The following HERC3 variants were observed in gnomAD, a reference collection of about 807,000 sequenced individuals.
HERC3 encodes the protein HECT and RLD domain containing E3 ubiquitin protein ligase 3, also known as probable E3 ubiquitin-protein ligase HERC3.
A neutral mutation model predicts 129.9 loss-of-function variants in HERC3; 58 were observed. The ratio of observed to expected loss-of-function variants is 0.45; its 90% confidence interval spans 0.36 to 0.56. The LOEUF is 0.56. Among genes scored for constraint, HERC3 ranks in the 20% least tolerant of loss-of-function variants. The pLI is 0.00. For missense variants in HERC3, 835 were observed against 1,244.2 expected (o/e 0.67, Z 4.95); for synonymous variants, 430 against 451.0 (o/e 0.95, Z 0.59).
chr4:88,697,976 C>G (rs1257350300), intron 23 of HERC3: 3 of 637,392 alleles, frequency 4.7e-6, no homozygotes, highest in Admixed American at 6.6e-5. Context: ...CTGTTGCTAC[C>G]CTGACATCTT....
chr4:88,664,247 G>C, intron 12 of HERC3, 35 bp downstream of exon 12: 1 of 1,533,852 alleles, frequency 6.5e-7, no homozygotes. Flanking sequence ...ACCCTCACGT[G>C]TACCTGTAGT....
chr4:88,666,538 T>TA (rs985366234), intron 12 of HERC3, among the ~76,000 whole-genome samples: 3 of 152,174 alleles, frequency 2.0e-5, no homozygotes, highest in South Asian at 2.1e-4. Flanking sequence ...TTATGATTTT[T>TA]AAAAAATGTT....
the HERC3 span, among the ~76,000 whole-genome samples, chr4:88,560,938 G>A: frequency 2.0e-5 from 3 of 151,988 alleles, no homozygotes; most frequent in East Asian, 1.9e-4. Context: ...TGACTCATTC[G>A]TCTATGTGTC....
chr4:88,546,657 G>A, the HERC3 span, among the ~76,000 whole-genome samples: 3 of 152,138 alleles, frequency 2.0e-5, no homozygotes, highest in East Asian at 1.9e-4. Context: ...GACTACAGGC[G>A]TGCGCCACCA....
chr4:88,685,214 T>A (rs1733287675), intron 21 of HERC3, among the ~76,000 whole-genome samples: 1 of 152,164 alleles, frequency 6.6e-6, no homozygotes, highest in Non-Finnish European at 1.5e-5. Context: ...GAACCAGAAA[T>A]ACCATTTGAC....
chr4:88,545,609 A>G, the HERC3 span, among the ~76,000 whole-genome samples: 4 of 151,610 alleles, frequency 2.6e-5, no homozygotes, highest in Non-Finnish European at 5.9e-5. Context: ...TTTCTTTTTT[A>G]GAGACAGGAT....
At chr4:88,627,703 G>T (rs1024858191) in intron 3 of HERC3, among the ~76,000 whole-genome samples, 1 of 152,068 alleles carries the variant, frequency 6.6e-6, no homozygotes, top group Admixed American at 6.6e-5. Flanking sequence ...AGGAGTTTGA[G>T]ACCAGCCTGG....
intron 3 of HERC3, among the ~76,000 whole-genome samples, chr4:88,620,311 A>G (rs1725372800): frequency 6.6e-6 from 1 of 152,206 alleles, no homozygotes; most frequent in Admixed American, 6.5e-5. Context: ...CTCCACTTGG[A>G]TATGTAATTG....
intron 3 of HERC3, among the ~76,000 whole-genome samples, chr4:88,618,420 G>T (rs571398913): frequency 6.6e-6 from 1 of 152,206 alleles, no homozygotes; most frequent in South Asian, 2.1e-4. Context: ...GATCACAGAG[G>T]GTATAATTCA....
chr4:88,546,772 T>C, the HERC3 span, among the ~76,000 whole-genome samples: 1 of 152,248 alleles, frequency 6.6e-6, no homozygotes, highest in African/African-American at 2.4e-5. Flanking sequence ...TTGTGCACTA[T>C]ACAAATTGAA....
intron 3 of HERC3, among the ~76,000 whole-genome samples, chr4:88,626,093 G>A (rs1463696120): frequency 6.6e-6 from 1 of 152,136 alleles, no homozygotes; most frequent in African/African-American, 2.4e-5. Context: ...TTCTTGTAGT[G>A]TCTTTGGTTT....
In HERC3 at chr4:88,647,298, G is replaced by C. The variant is rs181528114; in HGVS notation, c.227-2542G>C. Reference sequence around the variant, plus strand: ...GTCAGGATAGTGGGGAAAATTATTAGTGTTGTGTTAGGCCATATACTAACA... The same window carrying C: ...GTCAGGATAGTGGGGAAAATTATTACTGTTGTGTTAGGCCATATACTAACA... On this transcript the variant is annotated intron_variant, in intron 3 of 25. Coordinates refer to ENST00000402738, the MANE Select transcript of HERC3 (RefSeq NM_014606.3). 5.3e-5 allele frequency among the ~76,000 whole-genome samples: 8 copies of C among 152,320 alleles called. No individual in the cohort carries two copies. In the East Asian group the frequency reaches 1.5e-3, roughly 29 times the overall value.
At chr4:88,652,719 C>A in intron 5 of HERC3, 150 bp from the exon 6 acceptor site, 1 of 775,002 alleles carries the variant, frequency 1.3e-6, no homozygotes, top group Non-Finnish European at 2.0e-6. Context: ...TTGGTTTTGG[C>A]AGTCTGATAG....
At chr4:88,614,208 T>G (rs937071415) in intron 3 of HERC3, among the ~76,000 whole-genome samples, 1 of 152,210 alleles carries the variant, frequency 6.6e-6, no homozygotes, top group Non-Finnish European at 1.5e-5. Context: ...TGCTTAGCAT[T>G]TTTAAGCTGA....
rs184005642 is a variant in HERC3, at chr4:88,636,385, C to A, written c.227-13455C>A. ...GAACAGACTTTAAACCAACCAAGAT[C>A]AAAAAAAAGACAAAGGGCATTACGT... On this transcript the variant is annotated intron_variant, in intron 3 of 25. Coordinates refer to ENST00000402738, the MANE Select transcript of HERC3 (RefSeq NM_014606.3). 9.1e-3 allele frequency among the ~76,000 whole-genome samples: 1,379 copies of A among 151,312 alleles called. 11 individuals carry two copies. The highest frequency in any genetic ancestry group is 0.032 in the African/African-American group (1,311 of 41,288).
Position 88,708,524 on chromosome 4 carries a change from G to C in HERC3, c.*1564G>C, listed in dbSNP as rs1365415331. ...AGTTCAATATTATGCAATAAATTTGGTGTTTTAACTTAAAACTATTTCTTA... is the reference window on the plus strand; with the variant it reads ...AGTTCAATATTATGCAATAAATTTGCTGTTTTAACTTAAAACTATTTCTTA... On this transcript the variant is annotated 3_prime_UTR_variant, in exon 26 of 26. Transcript: ENST00000402738. The C allele has an allele frequency of 1.3e-5, 2 of 152,294 alleles. No homozygotes were observed. Among genetic ancestry groups the C allele is most frequent in the African/African-American group, 4.8e-5 (2 of 41,312 alleles). 9.4% of individuals were successfully genotyped at this position (152,294 alleles called of 1,614,324 possible).
At chr4:88,546,788 T>C in the HERC3 span, among the ~76,000 whole-genome samples, 10 of 152,382 alleles carry the variant, frequency 6.6e-5, no homozygotes, top group South Asian at 1.4e-3. Context: ...TTGAAACTCA[T>C]TGGGCATTGT....
At chr4:88,597,673 AG>A (rs1378753557) in intron 2 of HERC3, among the ~76,000 whole-genome samples, 1 of 152,212 alleles carries the variant, frequency 6.6e-6, no homozygotes, top group Non-Finnish European at 1.5e-5. Flanking sequence ...AGCAGACTGC[AG>A]AGAAGTCATT....
the HERC3 span, among the ~76,000 whole-genome samples, chr4:88,572,801 G>A: frequency 2.9e-5 from 3 of 104,192 alleles, no homozygotes; most frequent in Non-Finnish European, 5.0e-5. Flanking sequence ...GAGCAAGACT[G>A]TCTCAAAAAA....
Sources: gnomAD v4.1 joint callset for allele counts (sites outside exome capture counted in the v4.1 genomes callset) on GRCh38, gnomAD v4.1.1 for gene constraint, MANE v1.5 for transcripts, NCBI Gene and HGNC (gene_info 2026-07-23, HGNC 2026-07-21) for gene names.